CLSPN: variants seen among roughly 807,000 people sequenced by gnomAD.
The protein encoded by CLSPN is claspin homolog.
In CLSPN, 85 loss-of-function variants were observed where a neutral mutation model predicts 156.3. That is an observed-to-expected ratio of 0.54 (90% CI 0.46 to 0.65). The LOEUF is 0.65. CLSPN is among the 30% of genes least tolerant of loss of function. The probability of loss-of-function intolerance (pLI) is 0.00; values close to 1 mark genes in which losing one functional copy is unlikely to be tolerated. For missense variants in CLSPN, 1,407 were observed against 1,554.9 expected, an observed-to-expected ratio of 0.90 and a Z score of 1.60; for synonymous variants, 534 against 542.4, an observed-to-expected ratio of 0.98 and a Z score of 0.22.
chr1:35,744,259 T>C (rs765272340), intron 16 of CLSPN, among the ~76,000 whole-genome samples: 4 of 152,234 alleles, frequency 2.6e-5, no homozygotes, highest in Admixed American at 6.5e-5. Flanking sequence ...GACTGGCTTA[T>C]TTCTTTTAGC....
rs1356786422 is a variant in CLSPN at position 35,734,695 on chromosome 1, A to C, written c.*1801T>G. On this transcript the variant is annotated 3_prime_UTR_variant, in exon 25 of 25. Coordinates refer to ENST00000318121, the MANE Select transcript of CLSPN (RefSeq NM_022111.4). ...TATGTCTCAAAAAAAAAAAAAGAAAAGAAAAGAAAAGAAAAAGAAAAAGAA... is the reference window on the plus strand; with the variant it reads ...TATGTCTCAAAAAAAAAAAAAGAAACGAAAAGAAAAGAAAAAGAAAAAGAA... 1.2e-4 allele frequency: 114 copies of C among 928,318 alleles called. No homozygotes were observed. Among genetic ancestry groups the C allele is most frequent in the Non-Finnish European group, 1.4e-4 (112 of 778,390 alleles). The allele number at this position is 928,318 out of a possible 1,614,324, so 57.5% of individuals were successfully genotyped here.
rs367793079 is a variant in CLSPN, at chr1:35,751,327, C to T, written c.1951G>A (p.Glu651Lys). ...ESEEDGEEKV[E>K]KEEKEEELEE... is the part of the protein sequence containing the mutation. ...AGTTCTTCCTCTTTCTCTTCTTTCTCTACCTTCTCTTCTCCATCTTCCTCA... is the reference window on the plus strand; with the variant it reads ...AGTTCTTCCTCTTTCTCTTCTTTCTTTACCTTCTCTTCTCCATCTTCCTCA... The change falls in exon 10 of 25, where the codon GAG becomes AAG. Residue 651 changes from glutamate (E) to lysine (K), a missense_variant. Physicochemically the swap from Glu to Lys is moderately conservative, Grantham distance 56. Coordinates refer to ENST00000318121, the MANE Select transcript of CLSPN (RefSeq NM_022111.4). 4.4e-6 allele frequency: 7 copies of T among 1,591,234 alleles called. No homozygotes were observed. In the African/African-American group the frequency reaches 6.7e-5, roughly 15 times the overall value.
chr1:35,736,743 A>C (rs1477477682), intron 24 of CLSPN, 137 bp from the exon 25 acceptor site: 27 of 1,394,332 alleles, frequency 1.9e-5, no homozygotes, highest in Non-Finnish European at 2.6e-5. Flanking sequence ...TTTCTCGGCA[A>C]GTTTAAAAGT....
Position 35,745,516 on chromosome 1 carries a change from C to T in CLSPN, c.2901G>A (p.Glu967=). 1.2e-6 allele frequency: 2 copies of T among 1,614,098 alleles called. No individual in the cohort carries two copies. Among genetic ancestry groups the T allele is most frequent in the Non-Finnish European group, 1.7e-6 (2 of 1,179,982 alleles). ...ASSELNKQEK[E]SSMGDPMEEA... is the part of the protein sequence containing the mutation. The stretch of plus-strand genomic sequence containing the variant: ...CTTCCATTGGATCACCCATGCTGCT[C>T]TCCTTCTCCTGTTTATTTAACTCTG... The change falls in exon 16 of 25, where the codon GAG becomes GAA. Residue 967 remains glutamate, a synonymous_variant. Transcript: ENST00000318121.
rs1641904591 is a variant in CLSPN, at chr1:35,746,985, T to TTAAGAACC, written c.2628-1_2634dup (p.Asn879GlyfsTer3). 6.8e-6 allele frequency: 11 copies of TTAAGAACC among 1,613,350 alleles called. No individual in the cohort carries two copies. Among genetic ancestry groups the TTAAGAACC allele is most frequent in the Non-Finnish European group, 9.3e-6 (11 of 1,179,480 alleles). On this transcript the variant is annotated frameshift_variant, in exon 15 of 25. Coordinates refer to ENST00000318121, the MANE Select transcript of CLSPN (RefSeq NM_022111.4). LOFTEE classifies it high-confidence loss of function. This position sits in a 1 kb window ranked among gnomAD's most constrained non-coding sequence, Gnocchi z 4.2. ...TACTGATTCCTGTGGTTTCTAACAT[T>TTAAGAACC]TAAGAACCTAAGAACCAATGAGCAC... is the stretch of plus-strand genomic sequence containing the variant.
intron 12 of CLSPN, among the ~76,000 whole-genome samples, chr1:35,749,168 AC>A (rs1641998646): frequency 6.6e-6 from 1 of 152,030 alleles, no homozygotes; most frequent in Admixed American, 6.6e-5. Flanking sequence ...GCCTATGATC[AC>A]ACTCTTCATT....
chr1:35,767,863 A>G (rs549417770), intron 1 of CLSPN, among the ~76,000 whole-genome samples: 99 of 152,308 alleles, frequency 6.5e-4, no homozygotes, highest in African/African-American at 2.3e-3. Context: ...GAAAATTTCT[A>G]AATAAGACAG....
In CLSPN at chr1:35,746,943, G is replaced by A. The variant is rs1312029859; in HGVS notation, c.2677C>T (p.Arg893Ter). The change falls in exon 15 of 25, where the codon CGA becomes TGA. Residue 893 changes from arginine (R) to a stop codon, truncating the protein, a stop_gained. Transcript: ENST00000318121. LOFTEE classifies it high-confidence loss of function. The surrounding 1 kb of genome is among the most constrained non-coding windows in gnomAD (Gnocchi z 4.2). ...HRNQYQALKP[R>*]LPLASMDENA... is the part of the protein sequence containing the mutation. Reference sequence around the variant, plus strand: ...TCATCCATACTGGCCAATGGCAATCGAGGCTTCAAAGCTTGGTACTGATTC... The same window carrying A: ...TCATCCATACTGGCCAATGGCAATCAAGGCTTCAAAGCTTGGTACTGATTC... 1.2e-6 allele frequency: 2 copies of A among 1,614,072 alleles called. No homozygotes were observed. Among genetic ancestry groups the A allele is most frequent in the South Asian group, 2.2e-5 (2 of 91,076 alleles).
intron 8 of CLSPN, among the ~76,000 whole-genome samples, chr1:35,758,306 A>T (rs961584994): frequency 2.0e-5 from 3 of 151,890 alleles, no homozygotes; most frequent in Non-Finnish European, 4.4e-5. Context: ...AGCCTCCTAA[A>T]GTGCTAGAAT....
At chr1:35,743,109 C>A in intron 18 of CLSPN, 32 bp downstream of exon 18, 1 of 1,559,384 alleles carries the variant, frequency 6.4e-7, no homozygotes, top group Non-Finnish European at 8.8e-7. Context: ...TTTAAATACA[C>A]CTGAAGGAAT....
chr1:35,738,646 C>A lies in CLSPN; in HGVS notation c.3431-64G>T, dbSNP rs1641570541. The A allele has an allele frequency of 1.9e-6, 3 of 1,539,782 alleles. No homozygotes were observed. The Admixed American group carries it at 5.6e-5, about 29-fold the overall frequency. Reference sequence around the variant, plus strand: ...TCACAGGAGAGGGTGCTTGGACAGACAAAAAATAAACCCTTATCATTTACT... The same window carrying A: ...TCACAGGAGAGGGTGCTTGGACAGAAAAAAAATAAACCCTTATCATTTACT... On this transcript the variant is annotated intron_variant, in intron 20 of 24. Coordinates refer to ENST00000318121, the MANE Select transcript of CLSPN (RefSeq NM_022111.4).
chr1:35,735,347 A>G lies in CLSPN; in HGVS notation c.*1149T>C. 2 of 985,466 alleles carry G rather than the reference A, an allele frequency of 2.0e-6. No individual in the cohort carries two copies. The highest frequency in any genetic ancestry group is 2.4e-6 in the Non-Finnish European group (2 of 829,940). 61.0% of individuals were successfully genotyped at this position (985,466 alleles called of 1,614,324 possible). ...GATGCTGCCTTGGGAAGAAGCATAC[A>G]GGAAAATGAAAGGGGTAAGAGTAAT... On this transcript the variant is annotated 3_prime_UTR_variant, in exon 25 of 25. Transcript: ENST00000318121.
intron 20 of CLSPN, 90 bp downstream of exon 20, chr1:35,739,046 G>A: frequency 6.8e-7 from 1 of 1,466,830 alleles, no homozygotes; most frequent in Non-Finnish European, 9.4e-7. Flanking sequence ...TGATCCACCT[G>A]CCTCTGCCTC....
At chr1:35,731,584 G>C (rs748892894), downstream of CLSPN, among the ~76,000 whole-genome samples, 4 of 152,210 alleles carry the variant, frequency 2.6e-5, no homozygotes, top group South Asian at 2.1e-4. Context: ...AAACAGAAGT[G>C]GGGGGGTCAG....
At chr1:35,765,559 A>T (rs957278880) in intron 1 of CLSPN, among the ~76,000 whole-genome samples, 2 of 152,218 alleles carry the variant, frequency 1.3e-5, no homozygotes, top group African/African-American at 4.8e-5. Context: ...GTAAAAAAAA[A>T]AATGAAAAGA....
chr1:35,766,327 AAAAG>A (rs1051858504), intron 1 of CLSPN, among the ~76,000 whole-genome samples: 3 of 151,890 alleles, frequency 2.0e-5, no homozygotes, highest in Non-Finnish European at 4.4e-5. Flanking sequence ...AAAGAAAAAA[AAAAG>A]AGAGGGAGAG....
intron 18 of CLSPN, 79 bp from the exon 19 acceptor site, chr1:35,739,608 G>T: frequency 9.6e-7 from 1 of 1,046,692 alleles, no homozygotes; most frequent in Non-Finnish European, 1.4e-6. Flanking sequence ...AAGCAGAACA[G>T]AGTCACTTCT....
chr1:35,764,641 T>C lies in CLSPN; in HGVS notation c.207A>G (p.Thr69=). 1 of 1,612,150 alleles carries C rather than the reference T, an allele frequency of 6.2e-7. No individual in the cohort carries two copies. The highest frequency in any genetic ancestry group is 1.1e-5 in the South Asian group (1 of 90,286). The change falls in exon 3 of 25, where the codon ACA becomes ACG. Residue 69 remains threonine, a synonymous_variant. Coordinates refer to ENST00000318121, the MANE Select transcript of CLSPN (RefSeq NM_022111.4). ...RKVLQDSDSE[T]EDTNASPEKT... ...TCTCTGGAGAGGCATTTGTGTCCTC[T>C]GTTTCGGAATCACTGTCTTGTAGAA...
Position 35,764,384 on chromosome 1 carries a change from A to G in CLSPN, c.464T>C (p.Ile155Thr). Residue 155 changes from isoleucine to threonine, a missense_variant, in exon 3 of 25, where the codon ATA becomes ACA. By Grantham distance (89) the Ile-to-Thr change is moderately conservative. Coordinates refer to ENST00000318121, the MANE Select transcript of CLSPN (RefSeq NM_022111.4). Reference sequence around the variant, plus strand: ...TCCTGCAGTTCCTTCTTTATCATGTATGTGCTTTTTGGAACTCTTTCTGTC... The same window carrying G: ...TCCTGCAGTTCCTTCTTTATCATGTGTGTGCTTTTTGGAACTCTTTCTGTC... ...TTDRKSSKKH[I>T]HDKEGTAGKA... 1 of 1,612,938 alleles carries G rather than the reference A, an allele frequency of 6.2e-7. No individual in the cohort carries two copies. The highest frequency in any genetic ancestry group is 8.5e-7 in the Non-Finnish European group (1 of 1,179,706).
Sources: allele counts gnomAD v4.1 joint callset (sites outside exome capture counted in the v4.1 genomes callset), GRCh38; gene constraint gnomAD v4.1.1; non-coding constraint Gnocchi (gnomAD v3.1); transcripts MANE v1.5; gene names NCBI Gene and HGNC (gene_info 2026-07-23, HGNC 2026-07-21).